FBXW7: variants seen among roughly 807,000 people sequenced by gnomAD.
FBXW7 encodes the protein F-box and WD repeat domain containing 7, also known as F-box/WD repeat-containing protein 7.
Under a neutral mutation model 86.3 loss-of-function variants are expected in FBXW7, and 11 were observed. The ratio of observed to expected loss-of-function variants is 0.13; its 90% CI spans 0.08 to 0.21. FBXW7 has a LOEUF of 0.21. FBXW7 is among the 10% of genes least tolerant of loss of function. The probability of loss-of-function intolerance (pLI) is 1.00; values close to 1 mark genes in which losing one functional copy is unlikely to be tolerated. For synonymous variants in FBXW7, 313 were observed against 297.9 expected (o/e 1.05, Z -0.52); for missense variants, 488 against 847.4 (o/e 0.58, Z 5.27).
intron 2 of FBXW7, among the ~76,000 whole-genome samples, chr4:152,512,782 T>G (rs182069876): frequency 6.6e-6 from 1 of 152,206 alleles, no homozygotes; most frequent in Non-Finnish European, 1.5e-5. Context: ...AGGGTTCTTT[T>G]GAGGTAATGA....
intron 2 of FBXW7, among the ~76,000 whole-genome samples, chr4:152,481,039 A>G (rs759793276): frequency 4.6e-5 from 7 of 152,230 alleles, no homozygotes; most frequent in African/African-American, 1.4e-4. Context: ...TGGAAGAAGA[A>G]GCCATGTAGT....
chr4:152,369,533 A>C lies in FBXW7; in HGVS notation c.502-19409T>G, dbSNP rs563425511. On this transcript the variant is annotated intron_variant, in intron 4 of 13. Coordinates refer to ENST00000281708, the MANE Select transcript of FBXW7 (RefSeq NM_001349798.2). ...CTCAGTTGTCTTCTTTTAAATATTA[A>C]GTCGGGGGAAAAGTTACTATATTTT... Among the ~76,000 whole-genome samples the C allele has an allele frequency of 8.5e-5, 13 of 152,192 alleles. No individual in the cohort carries two copies. The South Asian group carries it at 2.7e-3, about 32-fold the overall frequency.
At chr4:152,527,899 CACAT>C (rs772441703) in intron 2 of FBXW7, among the ~76,000 whole-genome samples, 12 of 151,194 alleles carry the variant, frequency 7.9e-5, no homozygotes, top group East Asian at 1.9e-4. Context: ...CACACACACA[CACAT>C]ATATATACAC....
At chr4:152,387,607 T>A (rs1194418290) in intron 4 of FBXW7, among the ~76,000 whole-genome samples, 198 of 129,088 alleles carry the variant, frequency 1.5e-3, no homozygotes, top group Non-Finnish European at 2.3e-3. Flanking sequence ...GCAAAAACTG[T>A]AAAAAAAAAA....
intron 2 of FBXW7, among the ~76,000 whole-genome samples, chr4:152,495,789 A>T (rs1190330175): frequency 6.6e-6 from 1 of 152,190 alleles, no homozygotes; most frequent in Non-Finnish European, 1.5e-5. Flanking sequence ...GAAGAAAAAT[A>T]TAAAGACATA....
At chr4:152,444,283 T>C (rs79924972) in intron 2 of FBXW7, among the ~76,000 whole-genome samples, 2,657 of 151,784 alleles carry the variant, frequency 0.018, 33 homozygotes, top group Non-Finnish European at 0.026. Flanking sequence ...ATCTTCCCCA[T>C]ATAACATTTT....
At position 152,406,107 on chromosome 4, in the gene FBXW7, GA is replaced by G. The variant is rs1737398815; in HGVS notation, c.501+5195del. Among the ~76,000 whole-genome samples, 4 of 152,194 alleles carry G rather than the reference GA, an allele frequency of 2.6e-5. No individual in the cohort carries two copies. In the South Asian group the frequency reaches 8.3e-4, roughly 32 times the overall value. On this transcript the variant is annotated intron_variant, in intron 4 of 13. Coordinates refer to ENST00000281708, the MANE Select transcript of FBXW7 (RefSeq NM_001349798.2). The stretch of plus-strand genomic sequence containing the variant: ...CAAAAACAACATTAAAAATGGATCA[GA>G]TCATTATAATACACATATGAAACAA...
At chr4:152,332,549 T>C (rs1683249429) in intron 8 of FBXW7, 47 bp downstream of exon 8, 3 of 1,442,686 alleles carry the variant, frequency 2.1e-6, no homozygotes, top group African/African-American at 1.4e-5. Flanking sequence ...AGAATCACTC[T>C]GCTTTTCAAA....
At chr4:152,498,443 TATCTC>T (rs1260232486) in intron 2 of FBXW7, among the ~76,000 whole-genome samples, 1 of 152,212 alleles carries the variant, frequency 6.6e-6, no homozygotes, top group Non-Finnish European at 1.5e-5. Flanking sequence ...ACTAGTTTAT[TATCTC>T]AGCTCATTCA....
intron 4 of FBXW7, among the ~76,000 whole-genome samples, chr4:152,394,212 T>C (rs1372802561): frequency 6.6e-6 from 1 of 152,120 alleles, no homozygotes; most frequent in African/African-American, 2.4e-5. Flanking sequence ...TTCTGTAGTA[T>C]CAAGCAGTAA....
intron 4 of FBXW7, among the ~76,000 whole-genome samples, chr4:152,386,955 T>C (rs902790364): frequency 2.6e-5 from 4 of 152,184 alleles, no homozygotes; most frequent in East Asian, 1.9e-4. Flanking sequence ...CACAGCAATT[T>C]ACTCTGGATT....
At chr4:152,383,663 G>A (rs1318450522) in intron 4 of FBXW7, among the ~76,000 whole-genome samples, 3 of 151,964 alleles carry the variant, frequency 2.0e-5, no homozygotes, top group Non-Finnish European at 2.9e-5. Flanking sequence ...GAATTTTGAC[G>A]GAGACAAGAA....
chr4:152,507,016 T>C (rs1288917208), intron 2 of FBXW7, among the ~76,000 whole-genome samples: 6 of 152,244 alleles, frequency 3.9e-5, no homozygotes, highest in African/African-American at 1.4e-4. Context: ...TAGGATCTGA[T>C]GGCTGATAAA....
intron 2 of FBXW7, among the ~76,000 whole-genome samples, chr4:152,527,482 C>A (rs1277063040): frequency 1.3e-5 from 2 of 152,182 alleles, no homozygotes; most frequent in African/African-American, 2.4e-5. Context: ...AATACACACA[C>A]TCTGACCGGG....
rs528102465 is a variant in FBXW7, at chr4:152,434,793, T to C, written c.-119-22264A>G. Among the ~76,000 whole-genome samples the C allele has an allele frequency of 2.6e-5, 4 of 152,220 alleles. No homozygotes were observed. The South Asian group carries it at 6.2e-4, about 24-fold the overall frequency. On this transcript the variant is annotated intron_variant, in intron 2 of 13. Coordinates refer to ENST00000281708, the MANE Select transcript of FBXW7 (RefSeq NM_001349798.2). Reference sequence around the variant, plus strand: ...ATATTGAAATACAAATAGATCAATATTGTTGAGAAATATACAATTTCAGAC... The same window carrying C: ...ATATTGAAATACAAATAGATCAATACTGTTGAGAAATATACAATTTCAGAC...
intron 2 of FBXW7, among the ~76,000 whole-genome samples, chr4:152,441,241 C>T (rs1281033177): frequency 1.3e-5 from 2 of 152,096 alleles, no homozygotes; most frequent in East Asian, 3.8e-4. Context: ...TTTACTCCTC[C>T]CTTCTTTGTC....
At chr4:152,429,081 T>C (rs575622100) in intron 2 of FBXW7, among the ~76,000 whole-genome samples, 10 of 152,016 alleles carry the variant, frequency 6.6e-5, no homozygotes, top group Non-Finnish European at 8.8e-5. Flanking sequence ...TCCCAGCTAC[T>C]TGGGAGGCCG....
intron 2 of FBXW7, among the ~76,000 whole-genome samples, chr4:152,507,555 T>C (rs551243455): frequency 6.6e-6 from 1 of 152,324 alleles, no homozygotes; most frequent in South Asian, 2.1e-4. Flanking sequence ...TACATCAGGG[T>C]AATGTGTCCA....
chr4:152,425,713 C>T (rs146021884), intron 2 of FBXW7, among the ~76,000 whole-genome samples: 8 of 151,678 alleles, frequency 5.3e-5, no homozygotes, highest in African/African-American at 7.3e-5. Context: ...TAGGCTAAAA[C>T]GAACTTTTGC....
Sources: allele counts gnomAD v4.1 joint callset (sites outside exome capture counted in the v4.1 genomes callset), GRCh38; gene constraint gnomAD v4.1.1; transcripts MANE v1.5; gene names NCBI Gene and HGNC (gene_info 2026-07-23, HGNC 2026-07-21).